Variants in FGFR2 observed in about 807,000 individuals in gnomAD.
FGFR2 encodes the protein BEK fibroblast growth factor receptor.
Under a neutral mutation model 95.9 loss-of-function variants are expected in FGFR2, and 19 were observed. That is an observed-to-expected ratio of 0.20 (90% CI 0.14 to 0.29). FGFR2 has a LOEUF of 0.29. Among genes scored for constraint, FGFR2 ranks in the 10% least tolerant of loss-of-function variants. FGFR2 has a pLI of 1.00. For missense variants in FGFR2, 707 were observed against 1,056.9 expected (o/e 0.67, Z 4.59); for synonymous variants, 392 against 393.3 (o/e 1.00, Z 0.04).
chr10:121,586,885 C>T (rs1482312541), intron 2 of FGFR2, among the ~76,000 whole-genome samples: 1 of 152,168 alleles, frequency 6.6e-6, no homozygotes, highest in Non-Finnish European at 1.5e-5. Context: ...ACCTGTCCAG[C>T]ATCTTGTTCA....
chr10:121,480,124 G>T (rs976103380), intron 17 of FGFR2, 103 bp from the exon 18 acceptor site: 9 of 1,204,656 alleles, frequency 7.5e-6, no homozygotes, highest in Admixed American at 1.7e-5. Flanking sequence ...CTGAAAGAAG[G>T]GAAGAGAAGA....
intron 9 of FGFR2, among the ~76,000 whole-genome samples, chr10:121,510,645 T>C (rs906138432): frequency 5.9e-5 from 9 of 152,118 alleles, no homozygotes; most frequent in African/African-American, 2.2e-4. Context: ...AACTGGCTAC[T>C]GAGTCACACA....
intron 2 of FGFR2, among the ~76,000 whole-genome samples, chr10:121,591,157 A>G (rs1228319059): frequency 2.0e-5 from 3 of 152,220 alleles, no homozygotes; most frequent in African/African-American, 7.2e-5. Context: ...CTGCAACAGA[A>G]GAACTGGTCT....
chr10:121,590,989 G>A (rs900982782), intron 2 of FGFR2, among the ~76,000 whole-genome samples: 46 of 148,808 alleles, frequency 3.1e-4, no homozygotes, highest in African/African-American at 1.0e-3. Context: ...GCGCACTCGC[G>A]CACACACACA....
chr10:121,519,458 G>A (rs1277405411), intron 7 of FGFR2, among the ~76,000 whole-genome samples: 2 of 150,984 alleles, frequency 1.3e-5, no homozygotes, highest in African/African-American at 4.8e-5. Context: ...AAAGGTCAGG[G>A]TTTTGTTTTG....
intron 5 of FGFR2, among the ~76,000 whole-genome samples, chr10:121,548,864 C>G (rs1033869248): frequency 6.6e-6 from 1 of 152,062 alleles, no homozygotes; most frequent in Non-Finnish European, 1.5e-5. Flanking sequence ...TAACCAGCAT[C>G]CCCCCATGAA....
At chr10:121,564,471 C>T (rs758000057) in intron 4 of FGFR2, 31 bp downstream of exon 4, 35 of 1,594,196 alleles carry the variant, frequency 2.2e-5, no homozygotes, top group Middle Eastern at 1.7e-4. Flanking sequence ...GCTCCTCTCT[C>T]GGGGACCATC....
chr10:121,490,440 AG>A (rs1371369756), intron 13 of FGFR2, among the ~76,000 whole-genome samples: 1 of 152,174 alleles, frequency 6.6e-6, no homozygotes, highest in Non-Finnish European at 1.5e-5. Flanking sequence ...CTGGGATTAT[AG>A]GCGTGAGCCA....
chr10:121,577,234 G>A (rs943298053), intron 2 of FGFR2, among the ~76,000 whole-genome samples: 6 of 126,502 alleles, frequency 4.7e-5, no homozygotes, highest in African/African-American at 1.5e-4. Context: ...CACTGACACC[G>A]AGACTATGCC....
intron 4 of FGFR2, among the ~76,000 whole-genome samples, chr10:121,558,879 G>T (rs1210283841): frequency 4.0e-5 from 6 of 151,862 alleles, no homozygotes; most frequent in African/African-American, 1.4e-4. Flanking sequence ...GAGCCACCGC[G>T]CCCGATCTTT....
chr10:121,490,670 G>A lies in FGFR2; in HGVS notation c.1864-2557C>T, dbSNP rs564249570. 1.1e-4 allele frequency among the ~76,000 whole-genome samples: 17 copies of A among 152,286 alleles called. 1 individual carries two copies. In the South Asian group the frequency reaches 3.5e-3, roughly 32 times the overall value. ...TATTGGCAAAGGTTAACTATCATAC[G>A]AAGCAGAAAGTCTTATCAGTCCATT... is the stretch of plus-strand genomic sequence containing the variant. On this transcript the variant is annotated intron_variant, in intron 13 of 17. Coordinates refer to ENST00000358487, the MANE Select transcript of FGFR2 (RefSeq NM_000141.5).
rs2135116924 is a variant in FGFR2 at position 121,565,560 on chromosome 10, G to A, written c.254C>T (p.Thr85Ile). The A allele has an allele frequency of 6.2e-7, 1 of 1,614,208 alleles. No homozygotes were observed. The highest frequency in any genetic ancestry group is 8.5e-7 in the Non-Finnish European group (1 of 1,180,038). ...CTGCAAGTACTCCCCAATAAGCACT[G>A]TCCTATTGTTGGGCCCCAAGTGCAC... Reference protein sequence around the residue: ...DGVHLGPNNRTVLIGEYLQIK... With the variant: ...DGVHLGPNNRIVLIGEYLQIK... Residue 85 changes from threonine (T) to isoleucine (I), a missense_variant, in exon 3 of 18, where the codon ACA (threonine) becomes ATA (isoleucine). Transcript: ENST00000358487.
chr10:121,575,933 C>A (rs1361840903), intron 2 of FGFR2, among the ~76,000 whole-genome samples: 3 of 151,810 alleles, frequency 2.0e-5, no homozygotes, highest in Non-Finnish European at 4.4e-5. Context: ...CATCTGTAAT[C>A]CCAGCACTTT....
intron 13 of FGFR2, among the ~76,000 whole-genome samples, chr10:121,489,697 C>T (rs764463422): frequency 1.3e-5 from 2 of 152,290 alleles, no homozygotes; most frequent in Admixed American, 6.5e-5. Flanking sequence ...CTCTCTTAAT[C>T]GGAGAGCTAT....
intron 2 of FGFR2, among the ~76,000 whole-genome samples, chr10:121,592,547 G>C (rs565352649): frequency 1.3e-5 from 2 of 152,274 alleles, no homozygotes; most frequent in South Asian, 4.2e-4. Context: ...TCAATGACAA[G>C]TGCCTGGGGT....
Position 121,593,964 on chromosome 10 carries a change from G to C in FGFR2, c.-147C>G. On this transcript the variant is annotated 5_prime_UTR_variant, in exon 2 of 18. Transcript: ENST00000358487. Reference sequence around the variant, plus strand: ...CCGAGGCGCTGCCGCTGCTGCTGCAGTCACTAAAGGAAAGAGATTGGCGAG... The same window carrying C: ...CCGAGGCGCTGCCGCTGCTGCTGCACTCACTAAAGGAAAGAGATTGGCGAG... The C allele has an allele frequency of 1.3e-6, 1 of 746,580 alleles. No homozygotes were observed. Among genetic ancestry groups the C allele is most frequent in the Non-Finnish European group, 2.4e-6 (1 of 416,822 alleles). 46.2% of individuals were successfully genotyped at this position (746,580 alleles called of 1,614,324 possible). A position where few individuals can be genotyped will look rare whatever the true frequency, so the allele number is the denominator to read the frequency against.
At chr10:121,504,089 G>A in intron 9 of FGFR2, 148 bp from the exon 10 acceptor site, 2 of 844,744 alleles carry the variant, frequency 2.4e-6, no homozygotes, top group East Asian at 5.3e-5. Flanking sequence ...AAAACCACTG[G>A]AATCTAACTC....
Position 121,535,882 on chromosome 10 carries a change from C to T in FGFR2, c.748+2710G>A, listed in dbSNP as rs534322770. 2.6e-5 allele frequency among the ~76,000 whole-genome samples: 4 copies of T among 152,252 alleles called. No individual in the cohort carries two copies. In the South Asian group the frequency reaches 8.3e-4, roughly 32 times the overall value. On this transcript the variant is annotated intron_variant, in intron 6 of 17. Transcript: ENST00000358487. ...TTACATTAAAGTGCTTATGGGAATG[C>T]CTTTCCAAGGAAGAATTTCAATAAA...
In FGFR2 at chr10:121,478,932, G is replaced by A. The variant is rs3135829; in HGVS notation, c.*925C>T. 5.1e-4 allele frequency: 119 copies of A among 233,512 alleles called. 1 individual carries two copies. Among genetic ancestry groups the A allele is most frequent in the African/African-American group, 2.4e-3 (108 of 45,468 alleles). 14.5% of individuals were successfully genotyped at this position (233,512 alleles called of 1,614,324 possible). On this transcript the variant is annotated 3_prime_UTR_variant, in exon 18 of 18. Transcript: ENST00000358487. ...TTTATCTTGGGAAGTCCAGTTAGAC[G>A]TTGCGTTGACGTAATGACAGGGTTG... is the stretch of plus-strand genomic sequence containing the variant.
Sources: gnomAD v4.1 joint callset for allele counts (sites outside exome capture counted in the v4.1 genomes callset) on GRCh38, gnomAD v4.1.1 for gene constraint, MANE v1.5 for transcripts, NCBI Gene and HGNC (gene_info 2026-07-23, HGNC 2026-07-21) for gene names.